The following UBE2L3 variants were observed in gnomAD, a reference collection of about 807,000 sequenced individuals.
UBE2L3 encodes ubiquitin conjugating enzyme E2 L3.
A neutral mutation model predicts 17.8 loss-of-function variants in UBE2L3; 1 was observed. That is an observed-to-expected ratio of 0.06 (90% CI 0.02 to 0.27). UBE2L3 has a LOEUF of 0.27. Ranked by LOEUF, UBE2L3 falls within the 10% of genes least tolerant of loss-of-function variation. UBE2L3 has a pLI of 1.00. For missense variants in UBE2L3, 40 were observed against 192.6 expected, an observed-to-expected ratio of 0.21 and a Z score of 4.69; for synonymous variants, 44 against 68.5, an observed-to-expected ratio of 0.64 and a Z score of 1.76.
intron 1 of UBE2L3, among the ~76,000 whole-genome samples, chr22:21,560,495 G>A (rs1926395716): frequency 3.5e-5 from 5 of 141,610 alleles, no homozygotes; most frequent in Admixed American, 7.6e-5. Flanking sequence ...CTATCATCCA[G>A]GCTGGAGTGC....
intron 1 of UBE2L3, among the ~76,000 whole-genome samples, chr22:21,562,536 T>A (rs765990932): frequency 9.9e-5 from 15 of 151,838 alleles, no homozygotes; most frequent in Non-Finnish European, 2.1e-4. Context: ...CACGCCCAGA[T>A]AATTTTTTGT....
At chr22:21,562,971 T>C (rs1032752139), upstream of UBE2L3, among the ~76,000 whole-genome samples, 1 of 149,640 alleles carries the variant, frequency 6.7e-6, no homozygotes, top group African/African-American at 2.4e-5. Context: ...TTGCCAGGCA[T>C]GGCGGCTCAC....
chr22:21,558,601 A>G (rs1228029238), intron 1 of UBE2L3, among the ~76,000 whole-genome samples: 1 of 149,668 alleles, frequency 6.7e-6, no homozygotes, highest in Non-Finnish European at 1.5e-5. Context: ...ACTGCACTCC[A>G]GCCTGGCGAC....
At chr22:21,578,547 G>A (rs550956936) in intron 1 of UBE2L3, among the ~76,000 whole-genome samples, 1 of 152,124 alleles carries the variant, frequency 6.6e-6, no homozygotes, top group Non-Finnish European at 1.5e-5. Context: ...TGTCAGTCTG[G>A]TAGGGGGGTG....
chr22:21,571,836 T>G (rs767232733), intron 1 of UBE2L3, among the ~76,000 whole-genome samples: 3 of 152,168 alleles, frequency 2.0e-5, no homozygotes, highest in Non-Finnish European at 2.9e-5. Context: ...AGTTTGCTTT[T>G]GAGTATAGGT....
chr22:21,579,707 A>G (rs983044486), intron 1 of UBE2L3, among the ~76,000 whole-genome samples: 1 of 152,080 alleles, frequency 6.6e-6, no homozygotes, highest in Admixed American at 6.6e-5. Flanking sequence ...GGAGGTTGAG[A>G]CTGCAGTGAG....
intron 1 of UBE2L3, among the ~76,000 whole-genome samples, chr22:21,581,960 A>AC (rs1231033221): frequency 1.3e-5 from 2 of 150,702 alleles, no homozygotes; most frequent in Non-Finnish European, 3.0e-5. Context: ...GAAAAAAAAA[A>AC]ACAAAAATAA....
chr22:21,557,403 A>G (rs1926272083), intron 1 of UBE2L3, among the ~76,000 whole-genome samples: 1 of 152,268 alleles, frequency 6.6e-6, no homozygotes, highest in African/African-American at 2.4e-5. Context: ...ACCCCCCAAA[A>G]TAAAAACAAT....
intron 2 of UBE2L3, among the ~76,000 whole-genome samples, chr22:21,595,918 T>G (rs938723664): frequency 2.0e-5 from 3 of 152,142 alleles, no homozygotes; most frequent in Admixed American, 6.6e-5. Context: ...TCTGTCGCTA[T>G]GCAGTGGCAC....
chr22:21,555,911 A>G (rs1347283289), intron 1 of UBE2L3, among the ~76,000 whole-genome samples: 2 of 151,730 alleles, frequency 1.3e-5, no homozygotes, highest in Non-Finnish European at 2.9e-5. Flanking sequence ...CAGCCTGGGC[A>G]ACAGAGAGAG....
chr22:21,572,952 A>G (rs1269827488), intron 1 of UBE2L3, among the ~76,000 whole-genome samples: 1 of 152,020 alleles, frequency 6.6e-6, no homozygotes, highest in East Asian at 1.9e-4. Flanking sequence ...CTATGCCTTC[A>G]GTCTCTCTTC....
At chr22:21,607,279 G>A (rs931908778) in intron 2 of UBE2L3, among the ~76,000 whole-genome samples, 2 of 151,930 alleles carry the variant, frequency 1.3e-5, no homozygotes, top group East Asian at 1.9e-4. Context: ...GGCCGAGGCC[G>A]GCAGTTCACC....
intron 1 of UBE2L3, chr22:21,568,069 C>T: frequency 8.0e-7 from 1 of 1,256,182 alleles, no homozygotes; most frequent in Non-Finnish European, 1.0e-6. Flanking sequence ...AGGCCGCGGT[C>T]CGATCTGAGG....
At chr22:21,567,491 T>C, upstream of UBE2L3, 1 of 704,772 alleles carries the variant, frequency 1.4e-6, no homozygotes, top group Non-Finnish European at 2.3e-6. Flanking sequence ...GTATTTATTA[T>C]GCTCCTACTA....
intron 1 of UBE2L3, among the ~76,000 whole-genome samples, chr22:21,558,958 T>C (rs1053465272): frequency 2.0e-5 from 3 of 151,828 alleles, no homozygotes; most frequent in Admixed American, 1.3e-4. Context: ...TGACAGTCCA[T>C]GATCTATGAG....
chr22:21,573,991 G>A (rs1054818203), intron 1 of UBE2L3, among the ~76,000 whole-genome samples: 3 of 152,190 alleles, frequency 2.0e-5, no homozygotes, highest in African/African-American at 7.2e-5. Context: ...TTTAAGGACA[G>A]GTGGCAGAGA....
intron 1 of UBE2L3, among the ~76,000 whole-genome samples, chr22:21,585,203 T>C (rs1007164280): frequency 1.3e-5 from 2 of 152,200 alleles, no homozygotes; most frequent in Admixed American, 1.3e-4. Context: ...AGCATTTGGC[T>C]CTGAATAGTT....
At chr22:21,586,942 A>G (rs554028271) in intron 1 of UBE2L3, among the ~76,000 whole-genome samples, 2 of 146,700 alleles carry the variant, frequency 1.4e-5, no homozygotes, top group Admixed American at 7.0e-5. Context: ...TTGGAGTACA[A>G]TGGTGTGATC....
upstream of UBE2L3, among the ~76,000 whole-genome samples, chr22:21,565,754 CAAAAAAA>C (rs131662): frequency 0.029 from 872 of 30,200 alleles, 2 homozygotes; most frequent in Middle Eastern, 0.071. Flanking sequence ...AACTGTGTCT[CAAAAAAA>C]AAAAAAAAAA....
Sources: allele counts gnomAD v4.1 joint callset (sites outside exome capture counted in the v4.1 genomes callset), GRCh38; gene constraint gnomAD v4.1.1; transcripts MANE v1.5; gene names NCBI Gene and HGNC (gene_info 2026-07-23, HGNC 2026-07-21).